GRID2: variants seen among roughly 807,000 people sequenced by gnomAD.
GRID2 encodes glutamate receptor ionotropic, delta-2.
In GRID2, 33 loss-of-function variants were observed where a neutral mutation model predicts 114.8. The ratio of observed to expected loss-of-function variants is 0.29; its 90% CI spans 0.22 to 0.38. The LOEUF (loss-of-function observed/expected upper bound fraction) is 0.38. Ranked by LOEUF, GRID2 falls within the 10% of genes least tolerant of loss-of-function variation. GRID2 has a pLI of 1.00. For missense variants in GRID2, 1,184 were observed against 1,257.7 expected (o/e 0.94, Z 0.89); for synonymous variants, 505 against 449.9 (o/e 1.12, Z -1.55).
At chr4:92,749,310 C>CTT (rs68069370) in intron 2 of GRID2, among the ~76,000 whole-genome samples, 191 of 72,014 alleles carry the variant, frequency 2.7e-3, no homozygotes, top group Non-Finnish European at 3.3e-3. Flanking sequence ...TGATTTGTAG[C>CTT]TTTTTTTTTT....
At chr4:93,464,599 C>A (rs1724092857) in intron 11 of GRID2, among the ~76,000 whole-genome samples, 1 of 152,056 alleles carries the variant, frequency 6.6e-6, no homozygotes, top group Non-Finnish European at 1.5e-5. Context: ...CAGAAAAATT[C>A]AATGTTTAAT....
At chr4:92,860,374 A>C (rs1169171280) in intron 2 of GRID2, among the ~76,000 whole-genome samples, 1 of 152,098 alleles carries the variant, frequency 6.6e-6, no homozygotes, top group Non-Finnish European at 1.5e-5. Flanking sequence ...AAGCGATTTA[A>C]TTTTATTTTC....
chr4:93,267,933 C>A (rs1405133631), intron 8 of GRID2, among the ~76,000 whole-genome samples: 1 of 152,150 alleles, frequency 6.6e-6, no homozygotes, highest in African/African-American at 2.4e-5. Flanking sequence ...CTCTGCTACT[C>A]CCCAAGTCAG....
intron 9 of GRID2, among the ~76,000 whole-genome samples, chr4:93,403,930 C>T (rs7670552): frequency 0.19 from 28,582 of 152,010 alleles, 4,517 homozygotes; most frequent in African/African-American, 0.43. Flanking sequence ...TACTCAAATG[C>T]TCATAGCAGC....
chr4:93,352,034 T>C (rs1760853911), intron 8 of GRID2, among the ~76,000 whole-genome samples: 1 of 152,006 alleles, frequency 6.6e-6, no homozygotes, highest in Non-Finnish European at 1.5e-5. Context: ...TTATCATCAT[T>C]TTACAGAAAA....
At chr4:93,360,526 C>G (rs909068008) in intron 8 of GRID2, among the ~76,000 whole-genome samples, 19 of 151,628 alleles carry the variant, frequency 1.3e-4, no homozygotes, top group African/African-American at 4.6e-4. Context: ...GGTGAAAATC[C>G]TTATTTAAAT....
At chr4:92,842,385 T>A (rs569989152) in intron 2 of GRID2, among the ~76,000 whole-genome samples, 1 of 152,314 alleles carries the variant, frequency 6.6e-6, no homozygotes, top group East Asian at 1.9e-4. Flanking sequence ...ATGTGGTAGT[T>A]ATTTACATCA....
intron 2 of GRID2, among the ~76,000 whole-genome samples, chr4:92,913,057 A>G (rs1272896421): frequency 1.3e-5 from 2 of 151,890 alleles, no homozygotes; most frequent in African/African-American, 2.4e-5. Context: ...GTTTAAGATT[A>G]TATTTTGATG....
At chr4:93,071,452 A>G (rs995118863) in intron 2 of GRID2, among the ~76,000 whole-genome samples, 2 of 152,172 alleles carry the variant, frequency 1.3e-5, no homozygotes, top group Non-Finnish European at 2.9e-5. Flanking sequence ...AGGAAGAAAG[A>G]GTAAAAATAG....
chr4:92,336,523 G>A (rs886958394), intron 1 of GRID2, among the ~76,000 whole-genome samples: 2 of 152,012 alleles, frequency 1.3e-5, no homozygotes, highest in South Asian at 4.1e-4. Context: ...TCTGACTTTG[G>A]CTGCTGCAGT....
chr4:93,101,493 A>G (rs1187232830), intron 3 of GRID2, among the ~76,000 whole-genome samples: 1 of 152,190 alleles, frequency 6.6e-6, no homozygotes, highest in East Asian at 1.9e-4. Flanking sequence ...TTATATGTTG[A>G]GAAATATCTG....
chr4:92,572,427 A>G lies in GRID2; in HGVS notation c.89-17704A>G, dbSNP rs369696660. Among the ~76,000 whole-genome samples the G allele has an allele frequency of 3.1e-4, 47 of 152,166 alleles. No individual in the cohort carries two copies. The East Asian group carries it at 3.5e-3, about 11-fold the overall frequency. Reference sequence around the variant, plus strand: ...CAATCAAAAAAAGTCCAGGACCAGAAGGATTCACAGCCGAATTCTACCTGA... The same window carrying G: ...CAATCAAAAAAAGTCCAGGACCAGAGGGATTCACAGCCGAATTCTACCTGA... On this transcript the variant is annotated intron_variant, in intron 1 of 15. Coordinates refer to ENST00000282020, the MANE Select transcript of GRID2 (RefSeq NM_001510.4).
intron 13 of GRID2, among the ~76,000 whole-genome samples, chr4:93,537,450 A>G (rs1732210293): frequency 6.6e-6 from 1 of 151,804 alleles, no homozygotes. Flanking sequence ...AACATGGTAA[A>G]AAGTGATAAT....
chr4:92,908,216 C>A (rs1161025671), intron 2 of GRID2, among the ~76,000 whole-genome samples: 1 of 151,986 alleles, frequency 6.6e-6, no homozygotes, highest in Non-Finnish European at 1.5e-5. Context: ...AGTAATTCAT[C>A]AGAGATAAGT....
chr4:92,440,137 T>G lies in GRID2; in HGVS notation c.88+135393T>G, dbSNP rs190747973. Reference sequence around the variant, plus strand: ...AAGTGGTAAAAGTATTGTCCAGTCCTTTTTAAGTTGGTGGCTGAGCTTGGT... The same window carrying G: ...AAGTGGTAAAAGTATTGTCCAGTCCGTTTTAAGTTGGTGGCTGAGCTTGGT... On this transcript the variant is annotated intron_variant, in intron 1 of 15. Transcript: ENST00000282020. Among the ~76,000 whole-genome samples, 1,095 of 146,406 alleles carry G rather than the reference T, an allele frequency of 7.5e-3. 43 individuals carry two copies. The highest frequency in any genetic ancestry group is 0.025 in the African/African-American group (1,031 of 41,132).
chr4:92,701,046 TA>T (rs1579870123), intron 2 of GRID2, among the ~76,000 whole-genome samples: 2 of 147,962 alleles, frequency 1.4e-5, no homozygotes, highest in African/African-American at 5.0e-5. Flanking sequence ...TTGAACAAAA[TA>T]AAATCAGTAG....
chr4:93,802,309 G>T (rs1734947882), intron 1 of GRID2, among the ~76,000 whole-genome samples: 1 of 152,162 alleles, frequency 6.6e-6, no homozygotes, highest in South Asian at 2.1e-4. Context: ...TATTCTGTGA[G>T]GGGAGCGTCA....
intron 12 of GRID2, among the ~76,000 whole-genome samples, chr4:93,513,891 T>C (rs1193698845): frequency 6.6e-6 from 1 of 152,188 alleles, no homozygotes. Context: ...CTTTGCCCAA[T>C]GCTACTGTTG....
chr4:92,767,883 C>G (rs1738342010), intron 2 of GRID2, among the ~76,000 whole-genome samples: 1 of 150,858 alleles, frequency 6.6e-6, no homozygotes, highest in South Asian at 2.1e-4. Context: ...AGCCACTGCA[C>G]TCCAATCTCA....
Sources: allele counts gnomAD v4.1 joint callset (sites outside exome capture counted in the v4.1 genomes callset), GRCh38; gene constraint gnomAD v4.1.1; transcripts MANE v1.5; gene names NCBI Gene and HGNC (gene_info 2026-07-23, HGNC 2026-07-21).